The following ZNF497 variants were observed in gnomAD, a reference collection of about 807,000 sequenced individuals.
ZNF497 encodes the protein zinc finger-like protein.
For missense variants in ZNF497, 930 were observed against 714.0 expected, an observed-to-expected ratio of 1.30 and a Z score of -3.45; for synonymous variants, 422 against 313.7, an observed-to-expected ratio of 1.35 and a Z score of -3.65.
At chr19:58,360,064 CA>C (rs781424727) in intron 1 of ZNF497, among the ~76,000 whole-genome samples, 26 of 151,672 alleles carry the variant, frequency 1.7e-4, no homozygotes, top group Non-Finnish European at 3.2e-4. Context: ...AAAATTCAGA[CA>C]CAAAAGACTT....
rs769327556 is a variant in ZNF497, at chr19:58,356,127, G to A, written c.*12C>T. On this transcript the variant is annotated 3_prime_UTR_variant, in exon 3 of 3. Coordinates refer to ENST00000311044, the MANE Select transcript of ZNF497 (RefSeq NM_198458.3). ...CGTGTGTCCGCGACCTCCCGCTCAG[G>A]GCGTCCTCGGGTCAGGGCGCAGCGC... 4.7e-5 allele frequency: 72 copies of A among 1,525,028 alleles called. 1 individual carries two copies. The highest frequency in any genetic ancestry group is 6.1e-5 in the Non-Finnish European group (69 of 1,138,662). The allele number at this position is 1,525,028 out of a possible 1,614,324, so 94.5% of individuals were successfully genotyped here. A position where few individuals can be genotyped will look rare whatever the true frequency, so the allele number is the denominator to read the frequency against.
chr19:58,361,874 C>T (rs567200961), intron 1 of ZNF497, among the ~76,000 whole-genome samples: 1 of 152,288 alleles, frequency 6.6e-6, no homozygotes, highest in Non-Finnish European at 1.5e-5. Flanking sequence ...AGCCAGGCAC[C>T]GCTGCCCCTC....
At chr19:58,359,371 C>T (rs1211780679) in intron 1 of ZNF497, 1 of 791,360 alleles carries the variant, frequency 1.3e-6, no homozygotes, top group Admixed American at 2.3e-5. Context: ...CCACGAAGGT[C>T]CCCTCCTTGG....
intron 2 of ZNF497, 181 bp from the exon 3 acceptor site, chr19:58,357,830 G>C: frequency 8.1e-7 from 1 of 1,238,302 alleles, no homozygotes; most frequent in South Asian, 1.8e-5. Flanking sequence ...AGACACTCGG[G>C]GGATGGGCCA....
chr19:58,358,395 A>G, intron 2 of ZNF497, 94 bp downstream of exon 2: 2 of 1,157,588 alleles, frequency 1.7e-6, no homozygotes, highest in Non-Finnish European at 2.2e-6. Context: ...AGCAAAACCC[A>G]TCCTCATTTG....
At chr19:58,360,187 C>T (rs371079612) in intron 1 of ZNF497, among the ~76,000 whole-genome samples, 1 of 152,156 alleles carries the variant, frequency 6.6e-6, no homozygotes, top group Admixed American at 6.6e-5. Flanking sequence ...ATGGGAGATA[C>T]AGCCGTGGGA....
rs111659003 is a variant in ZNF497 at position 58,361,699 on chromosome 19, C to G, written c.-112+978G>C. Among the ~76,000 whole-genome samples the G allele has an allele frequency of 5.1e-3, 782 of 152,222 alleles. 6 individuals carry two copies. The highest frequency in any genetic ancestry group is 0.018 in the African/African-American group (732 of 41,512). On this transcript the variant is annotated intron_variant, in intron 1 of 2. Transcript: ENST00000311044. Reference sequence around the variant, plus strand: ...CCACCTTTAGGGGAATTGGGTAAAGCGTACATAGGGTATGCATTACTTGTT... The same window carrying G: ...CCACCTTTAGGGGAATTGGGTAAAGGGTACATAGGGTATGCATTACTTGTT...
intron 1 of ZNF497, among the ~76,000 whole-genome samples, chr19:58,361,645 CCG>C (rs1409024400): frequency 6.6e-6 from 1 of 152,208 alleles, no homozygotes; most frequent in Admixed American, 6.5e-5. Context: ...ACATGAGCCA[CCG>C]CACCTGGCCT....
In ZNF497 at chr19:58,357,522, C is replaced by T; in HGVS notation, c.114G>A (p.Trp38Ter). The T allele has an allele frequency of 6.2e-7, 1 of 1,604,984 alleles. No individual in the cohort carries two copies. Among genetic ancestry groups the T allele is most frequent in the African/African-American group, 1.3e-5 (1 of 74,816 alleles). ...CCTCCGTGGAGTTTTCCCAGGCCCC[C>T]CAGCCTCCAGACACAGCCCCCTCAG... ...GLSEGAVSGG[W>*]GAWENSTEVP... The change falls in exon 3 of 3, where the codon TGG (tryptophan) becomes TGA (stop). Residue 38 changes from tryptophan to a stop codon, truncating the protein, a stop_gained. Coordinates refer to ENST00000311044, the MANE Select transcript of ZNF497 (RefSeq NM_198458.3). LOFTEE classifies it low-confidence loss of function (END_TRUNC).
chr19:58,355,066 C>G lies in ZNF497; in HGVS notation c.*1073G>C, dbSNP rs2052002521. 6.6e-6 allele frequency: 1 copy of G among 152,292 alleles called. No homozygotes were observed. Among genetic ancestry groups the G allele is most frequent in the Admixed American group, 6.5e-5 (1 of 15,286 alleles). 9.4% of individuals were successfully genotyped at this position (152,292 alleles called of 1,614,324 possible). ...GTGGTAGCAGCTTCCTGCAAGTATC[C>G]AGCTCTGAGATTCTGCAACATCCAC... On this transcript the variant is annotated 3_prime_UTR_variant, in exon 3 of 3. Coordinates refer to ENST00000311044, the MANE Select transcript of ZNF497 (RefSeq NM_198458.3).
chr19:58,358,421 C>A, intron 2 of ZNF497, 68 bp downstream of exon 2: 1 of 1,160,380 alleles, frequency 8.6e-7, no homozygotes, highest in Non-Finnish European at 1.1e-6. Flanking sequence ...AGCACCTTAT[C>A]ATCCTTGTGT....
At chr19:58,359,128 C>A (rs900826717) in intron 1 of ZNF497, 1 of 1,220,790 alleles carries the variant, frequency 8.2e-7, no homozygotes, top group Non-Finnish European at 1.1e-6. Flanking sequence ...CCCCTCGGGG[C>A]CCTGCTGCCT....
intron 1 of ZNF497, chr19:58,359,233 C>T (rs2052064530): frequency 7.7e-7 from 1 of 1,290,530 alleles, no homozygotes; most frequent in African/African-American, 1.5e-5. Context: ...CCTGGGGGGC[C>T]AGGGCTGATG....
In ZNF497 at chr19:58,356,914, G is replaced by C; in HGVS notation, c.722C>G (p.Thr241Arg). Residue 241 changes from threonine (T) to arginine (R), a missense_variant, in exon 3 of 3, where the codon ACG becomes AGG. Transcript: ENST00000311044. ...SNFLEHRRVH[T>R]GARPHACRDC... Reference sequence around the variant, plus strand: ...CCGGCAGGCGTGCGGCCGCGCGCCCGTGTGCACGCGCCGGTGCTCCAGGAA... The same window carrying C: ...CCGGCAGGCGTGCGGCCGCGCGCCCCTGTGCACGCGCCGGTGCTCCAGGAA... The C allele has an allele frequency of 1.3e-6, 2 of 1,593,842 alleles. No homozygotes were observed. Among genetic ancestry groups the C allele is most frequent in the African/African-American group, 1.3e-5 (1 of 74,534 alleles).
chr19:58,357,903 AG>A, intron 2 of ZNF497: 1 of 1,366,718 alleles, frequency 7.3e-7, no homozygotes, highest in Non-Finnish European at 9.4e-7. Flanking sequence ...GCCCAGCAGG[AG>A]GGGAGGGGGC....
At chr19:58,357,856 C>G in intron 2 of ZNF497, 2 of 1,310,894 alleles carry the variant, frequency 1.5e-6, no homozygotes, top group South Asian at 1.8e-5. Flanking sequence ...CTGGGCCTGC[C>G]TGACAGGGCC....
chr19:58,356,021 C>G lies in ZNF497; in HGVS notation c.*118G>C. 8.1e-7 allele frequency: 1 copy of G among 1,235,824 alleles called. No homozygotes were observed. The highest frequency in any genetic ancestry group is 1.1e-6 in the Non-Finnish European group (1 of 921,622). 76.6% of individuals were successfully genotyped at this position (1,235,824 alleles called of 1,614,324 possible). A position where few individuals can be genotyped will look rare whatever the true frequency, so the allele number is the denominator to read the frequency against. On this transcript the variant is annotated 3_prime_UTR_variant, in exon 3 of 3. Coordinates refer to ENST00000311044, the MANE Select transcript of ZNF497 (RefSeq NM_198458.3). ...ACACCCAAGGCCGCCCCTGCACTCC[C>G]AGCAGGAGGGCGCCCGCACCGGCGG...
At position 58,356,838 on chromosome 19, in the gene ZNF497, C is replaced by T. The variant is rs1266124290; in HGVS notation, c.798G>A (p.Lys266=). The part of the protein sequence containing the change: ...SQSSNLAEHL[K]IHAGARPHAC... ...CGTGTGGCCGTGCGCCCGCGTGGAT[C>T]TTCAGGTGCTCGGCCAGGTTGGAGC... The change falls in exon 3 of 3, where the codon AAG becomes AAA. Residue 266 remains lysine (K), a synonymous_variant. Transcript: ENST00000311044. 4.4e-6 allele frequency: 7 copies of T among 1,573,394 alleles called. No homozygotes were observed. The highest frequency in any genetic ancestry group is 5.1e-6 in the Non-Finnish European group (6 of 1,165,954).
Position 58,358,638 on chromosome 19 carries a change from G to C in ZNF497, c.-111-53C>G, listed in dbSNP as rs775065150. The C allele has an allele frequency of 1.6e-5, 14 of 886,874 alleles. No individual in the cohort carries two copies. The African/African-American group carries it at 3.0e-4, about 19-fold the overall frequency. The allele number at this position is 886,874 out of a possible 1,614,324, so 54.9% of individuals were successfully genotyped here. A position where few individuals can be genotyped will look rare whatever the true frequency, so the allele number is the denominator to read the frequency against. On this transcript the variant is annotated intron_variant, in intron 1 of 2. Coordinates refer to ENST00000311044, the MANE Select transcript of ZNF497 (RefSeq NM_198458.3). Reference sequence around the variant, plus strand: ...GTGAGGTGTTCAGCCTAGCAGATCTGAGAAAACAAGGGGCATGCGGTGGCA... The same window carrying C: ...GTGAGGTGTTCAGCCTAGCAGATCTCAGAAAACAAGGGGCATGCGGTGGCA...
Sources: allele counts gnomAD v4.1 joint callset (sites outside exome capture counted in the v4.1 genomes callset), GRCh38; gene constraint gnomAD v4.1.1; transcripts MANE v1.5; gene names NCBI Gene and HGNC (gene_info 2026-07-23, HGNC 2026-07-21).